ENTREP2: variants seen among roughly 807,000 people sequenced by gnomAD.
ENTREP2 encodes protein ENTREP2.
chr15:29,424,308 C>T, the ENTREP2 span, among the ~76,000 whole-genome samples: 1 of 152,264 alleles, frequency 6.6e-6, no homozygotes, highest in Admixed American at 6.5e-5. Flanking sequence ...CCGCCCACAT[C>T]CTGCTGATTG....
chr15:29,571,723 A>C, the ENTREP2 span, among the ~76,000 whole-genome samples: 1 of 152,214 alleles, frequency 6.6e-6, no homozygotes. Context: ...GCCAACATAG[A>C]GTTTAAAATA....
the ENTREP2 span, among the ~76,000 whole-genome samples, chr15:29,671,985 C>T: frequency 6.6e-6 from 1 of 152,106 alleles, no homozygotes; most frequent in Non-Finnish European, 1.5e-5. Flanking sequence ...TGCAGGGATT[C>T]TTTTTTTGTT....
At chr15:29,352,519 G>C in the ENTREP2 span, among the ~76,000 whole-genome samples, 3 of 152,016 alleles carry the variant, frequency 2.0e-5, no homozygotes, top group Admixed American at 6.6e-5. Context: ...GAAGCCCTTC[G>C]GTCTCATTCC....
chr15:29,234,446 T>G, the ENTREP2 span: 1 of 1,509,800 alleles, frequency 6.6e-7, no homozygotes, highest in Non-Finnish European at 9.2e-7. Flanking sequence ...ACCTGCATAA[T>G]TCCCTGTAGC....
At chr15:29,373,292 A>G in the ENTREP2 span, among the ~76,000 whole-genome samples, 1 of 152,184 alleles carries the variant, frequency 6.6e-6, no homozygotes. Flanking sequence ...CATATTAATA[A>G]TTTGGTTCAA....
At chr15:29,451,290 G>A in the ENTREP2 span, among the ~76,000 whole-genome samples, 14 of 152,164 alleles carry the variant, frequency 9.2e-5, no homozygotes, top group South Asian at 8.3e-4. Flanking sequence ...CTCGGCCCTC[G>A]GCCCTCGCCT....
chr15:29,290,521 T>A, the ENTREP2 span, among the ~76,000 whole-genome samples: 1 of 152,204 alleles, frequency 6.6e-6, no homozygotes, highest in African/African-American at 2.4e-5. Context: ...CCATTCTGTA[T>A]GATCAATCTC....
chr15:29,665,533 C>T, the ENTREP2 span, among the ~76,000 whole-genome samples: 1 of 152,168 alleles, frequency 6.6e-6, no homozygotes, highest in Non-Finnish European at 1.5e-5. Flanking sequence ...CTCTGAATCT[C>T]CTCGTGGGAG....
At chr15:29,189,296 C>G in the ENTREP2 span, among the ~76,000 whole-genome samples, 1 of 152,080 alleles carries the variant, frequency 6.6e-6, no homozygotes, top group South Asian at 2.1e-4. Context: ...TTGAACTGAG[C>G]ACACCCAGCT....
At chr15:29,594,682 GC>G in the ENTREP2 span, among the ~76,000 whole-genome samples, 3 of 152,020 alleles carry the variant, frequency 2.0e-5, no homozygotes, top group Admixed American at 6.5e-5. Flanking sequence ...TTTTGTGGGG[GC>G]TGGGCACAGT....
chr15:29,188,925 A>G, the ENTREP2 span, among the ~76,000 whole-genome samples: 2 of 152,222 alleles, frequency 1.3e-5, no homozygotes, highest in Non-Finnish European at 2.9e-5. Context: ...ACACATCCCC[A>G]TGCCAGGAGG....
At chr15:29,630,074 C>T in the ENTREP2 span, among the ~76,000 whole-genome samples, 1 of 152,086 alleles carries the variant, frequency 6.6e-6, no homozygotes, top group Non-Finnish European at 1.5e-5. Flanking sequence ...CGAGAGCATG[C>T]CACCGCACTC....
At chr15:29,562,290 T>A in the ENTREP2 span, among the ~76,000 whole-genome samples, 1 of 152,244 alleles carries the variant, frequency 6.6e-6, no homozygotes, top group South Asian at 2.1e-4. Flanking sequence ...ACAGATTGGA[T>A]AACAATGTTC....
At chr15:29,606,997 C>T in the ENTREP2 span, among the ~76,000 whole-genome samples, 4 of 152,058 alleles carry the variant, frequency 2.6e-5, no homozygotes, top group African/African-American at 7.2e-5. Flanking sequence ...CCACACCCAG[C>T]TAATTTTTGT....
At chr15:29,263,008 C>T in the ENTREP2 span, among the ~76,000 whole-genome samples, 3 of 152,136 alleles carry the variant, frequency 2.0e-5, no homozygotes, top group South Asian at 2.1e-4. Context: ...AGAGGAAAAA[C>T]GAAGTTTGAG....
At chr15:29,212,477 A>G in the ENTREP2 span, among the ~76,000 whole-genome samples, 2 of 151,902 alleles carry the variant, frequency 1.3e-5, no homozygotes, top group Non-Finnish European at 2.9e-5. Flanking sequence ...AATTTCATTT[A>G]GTTCTGCTCT....
At chr15:29,171,726 C>T in the ENTREP2 span, among the ~76,000 whole-genome samples, 1 of 152,092 alleles carries the variant, frequency 6.6e-6, no homozygotes, top group Non-Finnish European at 1.5e-5. Context: ...CAATGATCCA[C>T]GAGCTGTTTT....
the ENTREP2 span, among the ~76,000 whole-genome samples, chr15:29,202,632 C>T: frequency 2.0e-5 from 3 of 152,096 alleles, no homozygotes. Flanking sequence ...GTTCTCCCTC[C>T]CCTTGCCCCC....
chr15:29,385,272 T>G, the ENTREP2 span, among the ~76,000 whole-genome samples: 1 of 152,210 alleles, frequency 6.6e-6, no homozygotes, highest in Admixed American at 6.5e-5. Context: ...TGAAGGAAGT[T>G]AATATTGCTT....
Sources: gnomAD v4.1 joint callset for allele counts (sites outside exome capture counted in the v4.1 genomes callset) on GRCh38, gnomAD v4.1.1 for gene constraint, MANE v1.5 for transcripts, NCBI Gene and HGNC (gene_info 2026-07-23, HGNC 2026-07-21) for gene names.